Variants in PLEKHA2 observed in about 807,000 individuals in gnomAD.
PLEKHA2 encodes pleckstrin homology domain-containing family A member 2.
Under a neutral mutation model 53.2 loss-of-function variants are expected in PLEKHA2, and 28 were observed. The observed-to-expected ratio is 0.53, with a 90% CI of 0.39 to 0.72. PLEKHA2 has a LOEUF of 0.72. PLEKHA2 is among the 30% of genes least tolerant of loss of function. The probability of loss-of-function intolerance (pLI) is 0.00; values close to 1 mark genes in which losing one functional copy is unlikely to be tolerated. For synonymous variants in PLEKHA2, 193 were observed against 196.4 expected, an observed-to-expected ratio of 0.98 and a Z score of 0.14; for missense variants, 426 against 537.9, an observed-to-expected ratio of 0.79 and a Z score of 2.06.
At chr8:38,949,715 A>G (rs1157971889) in intron 5 of PLEKHA2, among the ~76,000 whole-genome samples, 1 of 152,258 alleles carries the variant, frequency 6.6e-6, no homozygotes, top group Non-Finnish European at 1.5e-5. Flanking sequence ...CCTTAATTAT[A>G]ATATTTTGTA....
At chr8:38,948,026 C>T (rs1223617639) in intron 5 of PLEKHA2, among the ~76,000 whole-genome samples, 1 of 145,454 alleles carries the variant, frequency 6.9e-6, no homozygotes, top group East Asian at 2.0e-4. Context: ...CTGGAGATTG[C>T]AGTGAGCCGA....
chr8:38,960,989 T>C (rs1360041951), intron 10 of PLEKHA2: 2 of 152,240 alleles, frequency 1.3e-5, no homozygotes, highest in African/African-American at 4.8e-5. Flanking sequence ...GGTATGCAGA[T>C]ATTCAAAATG....
chr8:38,913,910 G>T (rs142821594), intron 1 of PLEKHA2, among the ~76,000 whole-genome samples: 9 of 152,298 alleles, frequency 5.9e-5, no homozygotes, highest in African/African-American at 2.2e-4. Context: ...TGGAGCTGGG[G>T]CGGAAGCTTT....
Position 38,969,362 on chromosome 8 carries a change from A to C in PLEKHA2, c.916-59A>C. 5 of 1,564,892 alleles carry C rather than the reference A, an allele frequency of 3.2e-6. No homozygotes were observed. In the South Asian group the frequency reaches 5.9e-5, roughly 18 times the overall value. The stretch of plus-strand genomic sequence containing the variant: ...GGTACTCTTTCTGGGACTCTGTGAT[A>C]AACATTGTCTGAAAAGCCCTAACTT... On this transcript the variant is annotated intron_variant, in intron 11 of 11. Transcript: ENST00000617275.
chr8:38,933,719 A>G (rs1254538227), intron 2 of PLEKHA2, among the ~76,000 whole-genome samples: 2 of 143,370 alleles, frequency 1.4e-5, no homozygotes, highest in Non-Finnish European at 3.0e-5. Flanking sequence ...TGGGGCTCCT[A>G]TGTGGACTCT....
At position 38,968,855 on chromosome 8, in the gene PLEKHA2, TGTGGGAGGAGGTGAGGTAGGG is replaced by T. The variant is rs1835188512; in HGVS notation, c.915+187_915+207del. On this transcript the variant is annotated intron_variant, in intron 11 of 11. Transcript: ENST00000617275. ...ACATTTTTATTTTTCTCTGTTTGGT[TGTGGGAGGAGGTGAGGTAGGG>T]TTAGATAGAGAAATGGAATTTCTTT... 3 of 571,068 alleles carry T rather than the reference TGTGGGAGGAGGTGAGGTAGGG, an allele frequency of 5.3e-6. No individual in the cohort carries two copies. The South Asian group carries it at 7.3e-5, about 14-fold the overall frequency. 35.4% of individuals were successfully genotyped at this position (571,068 alleles called of 1,614,324 possible).
chr8:38,949,033 G>A (rs1018053758), intron 5 of PLEKHA2, among the ~76,000 whole-genome samples: 1 of 152,084 alleles, frequency 6.6e-6, no homozygotes, highest in Non-Finnish European at 1.5e-5. Context: ...ACTACGCCCA[G>A]CTAATTTTTG....
At chr8:38,935,934 C>A in intron 2 of PLEKHA2, 60 bp from the exon 3 acceptor site, 1 of 1,531,074 alleles carries the variant, frequency 6.5e-7, no homozygotes, top group South Asian at 1.1e-5. Context: ...GAATCTTGGT[C>A]TTCTGTCTCT....
intron 2 of PLEKHA2, among the ~76,000 whole-genome samples, chr8:38,924,826 A>G (rs570435497): frequency 6.6e-6 from 1 of 152,352 alleles, no homozygotes; most frequent in Non-Finnish European, 1.5e-5. Flanking sequence ...GGCAGAATTT[A>G]GAATCAGTGT....
intron 2 of PLEKHA2, among the ~76,000 whole-genome samples, chr8:38,920,299 C>T (rs928600849): frequency 6.6e-6 from 1 of 151,922 alleles, no homozygotes; most frequent in Non-Finnish European, 1.5e-5. Context: ...TACAGGCACC[C>T]GCCACCACGC....
intron 10 of PLEKHA2, among the ~76,000 whole-genome samples, chr8:38,966,592 C>T (rs1008806528): frequency 7.2e-5 from 11 of 152,168 alleles, no homozygotes; most frequent in Non-Finnish European, 1.3e-4. Context: ...CTGACAGGCT[C>T]CACCGGCAGT....
chr8:38,940,894 T>TTTTA (rs1554558385), intron 3 of PLEKHA2, among the ~76,000 whole-genome samples: 7 of 124,746 alleles, frequency 5.6e-5, no homozygotes, highest in Non-Finnish European at 9.1e-5. Flanking sequence ...TAATTGGCTA[T>TTTTA]TATATATATA....
At chr8:38,941,087 C>A (rs527773872) in intron 3 of PLEKHA2, among the ~76,000 whole-genome samples, 1 of 148,946 alleles carries the variant, frequency 6.7e-6, no homozygotes, top group Non-Finnish European at 1.5e-5. Context: ...GACAGAGTCT[C>A]GCTCTGTCAC....
Position 38,950,964 on chromosome 8 carries a change from G to T in PLEKHA2, c.460G>T (p.Val154Leu). 2 of 1,613,944 alleles carry T rather than the reference G, an allele frequency of 1.2e-6. No individual in the cohort carries two copies. Among genetic ancestry groups the T allele is most frequent in the South Asian group, 1.1e-5 (1 of 91,054 alleles). Reference sequence around the variant, plus strand: ...CTACAAGACGGAGATCATTGGAGGGGTGGTGGTCCACACACCCATCAGCCA... The same window carrying T: ...CTACAAGACGGAGATCATTGGAGGGTTGGTGGTCCACACACCCATCAGCCA... ...VAYKTEIIGG[V>L]VVHTPISQNG... Residue 154 changes from valine to leucine, a missense_variant, in exon 6 of 12, where the codon GTG becomes TTG. Physicochemically the swap from Val to Leu is conservative, Grantham distance 32. Transcript: ENST00000617275.
rs780240268 is a variant in PLEKHA2, at chr8:38,922,646, G to C, written c.141+4576G>C. 2.0e-5 allele frequency among the ~76,000 whole-genome samples: 3 copies of C among 152,210 alleles called. No individual in the cohort carries two copies. Among genetic ancestry groups the C allele is most frequent in the Non-Finnish European group, 4.4e-5 (3 of 68,036 alleles). ...AGAAGATTTTTGGACCCAGGTCTCC[G>C]ATCTTTGTGTGTTGAAGCCACCTGG... On this transcript the variant is annotated intron_variant, in intron 2 of 11. Transcript: ENST00000617275. This position sits in a 1 kb window ranked among gnomAD's most constrained non-coding sequence, Gnocchi z 4.0.
chr8:38,910,297 G>A (rs1418564431), intron 1 of PLEKHA2, among the ~76,000 whole-genome samples: 2 of 152,128 alleles, frequency 1.3e-5, no homozygotes, highest in Non-Finnish European at 2.9e-5. Flanking sequence ...ATGAGGCTAC[G>A]TCTTGGTTTG....
chr8:38,910,394 AAG>A (rs1453156751), intron 1 of PLEKHA2, among the ~76,000 whole-genome samples: 3 of 152,202 alleles, frequency 2.0e-5, no homozygotes, highest in Non-Finnish European at 4.4e-5. Context: ...GGGAGACAGA[AAG>A]AGAGGAATTC....
In PLEKHA2 at chr8:38,952,637, G is replaced by A. The variant is rs1248319265; in HGVS notation, c.635G>A (p.Arg212Gln). ...CTGCCTTTTATTTTTTTATTACAGC[G>A]GAAGAGCTGGAAACGTCGCTTCTTT... ...SGYCVKQGNV[R>Q]KSWKRRFFAL... Residue 212 changes from arginine to glutamine, a missense_variant and splice_region_variant, in exon 8 of 12, where the codon CGG becomes CAG. Coordinates refer to ENST00000617275, the MANE Select transcript of PLEKHA2 (RefSeq NM_021623.2). 4 of 1,607,876 alleles carry A rather than the reference G, an allele frequency of 2.5e-6. No homozygotes were observed. The highest frequency in any genetic ancestry group is 1.7e-5 in the Admixed American group (1 of 60,002).
At chr8:38,935,354 G>A (rs1467762415) in intron 2 of PLEKHA2, among the ~76,000 whole-genome samples, 1 of 151,892 alleles carries the variant, frequency 6.6e-6, no homozygotes, top group Non-Finnish European at 1.5e-5. Context: ...TATGAGGTAG[G>A]TGCTATTATC....
Sources: allele counts gnomAD v4.1 joint callset (sites outside exome capture counted in the v4.1 genomes callset), GRCh38; gene constraint gnomAD v4.1.1; non-coding constraint Gnocchi (gnomAD v3.1); transcripts MANE v1.5; gene names NCBI Gene and HGNC (gene_info 2026-07-23, HGNC 2026-07-21).